GRIP1: variants seen among roughly 807,000 people sequenced by gnomAD.
GRIP1 encodes glutamate receptor-interacting protein 1.
A neutral mutation model predicts 129.9 loss-of-function variants in GRIP1; 45 were observed. The observed-to-expected ratio is 0.35, with a 90% CI of 0.27 to 0.44. The LOEUF (loss-of-function observed/expected upper bound fraction) is 0.44. Ranked by LOEUF, GRIP1 falls within the 20% of genes least tolerant of loss-of-function variation. The pLI is 1.00. For synonymous variants in GRIP1, 530 were observed against 520.8 expected (o/e 1.02, Z -0.24); for missense variants, 1,196 against 1,396.8 (o/e 0.86, Z 2.29).
At chr12:66,883,763 T>C (rs967339524) in intron 1 of GRIP1, among the ~76,000 whole-genome samples, 1 of 152,236 alleles carries the variant, frequency 6.6e-6, no homozygotes, top group Non-Finnish European at 1.5e-5. Context: ...TTGGACACTA[T>C]ACTACATAGT....
intron 1 of GRIP1, among the ~76,000 whole-genome samples, chr12:66,836,072 T>C (rs2039607922): frequency 6.6e-6 from 1 of 152,210 alleles, no homozygotes; most frequent in Non-Finnish European, 1.5e-5. Context: ...AGCTCTTTTA[T>C]GTCATTCTAC....
At chr12:66,721,369 G>A (rs967037235) in intron 1 of GRIP1, among the ~76,000 whole-genome samples, 2 of 152,030 alleles carry the variant, frequency 1.3e-5, no homozygotes, top group African/African-American at 4.8e-5. Flanking sequence ...CCACCTCCCA[G>A]GTTCAAGCAA....
In GRIP1 at chr12:66,930,197, C is replaced by T. The variant is rs542017626; in HGVS notation, c.58+138853G>A. ...TGTATACATGTGCCATGCTGGTGCGCTGCACCCACTAACTCGTCATCTAGC... is the reference window on the plus strand; with the variant it reads ...TGTATACATGTGCCATGCTGGTGCGTTGCACCCACTAACTCGTCATCTAGC... On this transcript the variant is annotated intron_variant, in intron 1 of 1. Coordinates refer to the GRIP1 transcript ENST00000643019. Among the ~76,000 whole-genome samples the T allele has an allele frequency of 1.5e-4, 23 of 149,208 alleles. No individual in the cohort carries two copies. The South Asian group carries it at 4.8e-3, about 31-fold the overall frequency.
At chr12:66,672,643 A>G (rs1219261988) in intron 1 of GRIP1, among the ~76,000 whole-genome samples, 1 of 152,114 alleles carries the variant, frequency 6.6e-6, no homozygotes, top group Non-Finnish European at 1.5e-5. Flanking sequence ...GTAAGAAACT[A>G]AAAGAGAGAA....
chr12:66,450,897 T>C (rs1458533213), intron 11 of GRIP1, among the ~76,000 whole-genome samples: 1 of 152,236 alleles, frequency 6.6e-6, no homozygotes, highest in Non-Finnish European at 1.5e-5. Flanking sequence ...GCTTCATTAA[T>C]GTGGTCAACC....
intron 2 of GRIP1, among the ~76,000 whole-genome samples, chr12:66,554,234 G>A (rs945422475): frequency 2.0e-5 from 3 of 152,162 alleles, no homozygotes; most frequent in Admixed American, 2.0e-4. Flanking sequence ...TACAGTCAGA[G>A]AGGGCACCAC....
intron 1 of GRIP1, among the ~76,000 whole-genome samples, chr12:66,794,759 T>C (rs1218202462): frequency 6.6e-6 from 1 of 152,182 alleles, no homozygotes; most frequent in African/African-American, 2.4e-5. Flanking sequence ...ATTCCTTTTA[T>C]GCCTGATCAT....
intron 11 of GRIP1, among the ~76,000 whole-genome samples, chr12:66,452,791 A>T (rs2058845126): frequency 6.6e-6 from 1 of 152,208 alleles, no homozygotes. Flanking sequence ...TTATTTGGGA[A>T]GACCTTTACA....
chr12:66,978,243 G>A (rs545599305), intron 1 of GRIP1, among the ~76,000 whole-genome samples: 2 of 152,084 alleles, frequency 1.3e-5, no homozygotes, highest in South Asian at 2.1e-4. Context: ...TTTTTGATAC[G>A]TAAAGTGCAT....
At chr12:67,025,588 T>C (rs2042931056) in intron 1 of GRIP1, among the ~76,000 whole-genome samples, 1 of 152,220 alleles carries the variant, frequency 6.6e-6, no homozygotes, top group South Asian at 2.1e-4. Flanking sequence ...AGTCCTTTCA[T>C]ATGTTCATTA....
Position 66,938,729 on chromosome 12 carries a change from C to T in GRIP1, c.58+130321G>A, listed in dbSNP as rs984249233. ...ATCCCAGCACTTTGGGAGGCCAAGG[C>T]GGGCAGATCACCAGGTCAGGAGATC... On this transcript the variant is annotated intron_variant, in intron 1 of 1. Coordinates refer to the GRIP1 transcript ENST00000643019. Among the ~76,000 whole-genome samples, 14 of 151,782 alleles carry T rather than the reference C, an allele frequency of 9.2e-5. No individual in the cohort carries two copies. The East Asian group carries it at 9.8e-4, about 11-fold the overall frequency.
At chr12:66,894,110 A>G (rs2040706195) in intron 1 of GRIP1, among the ~76,000 whole-genome samples, 1 of 152,148 alleles carries the variant, frequency 6.6e-6, no homozygotes, top group Non-Finnish European at 1.5e-5. Flanking sequence ...TTCCTCATCC[A>G]TAAGGTCCAG....
chr12:66,825,016 G>T (rs1921010), intron 1 of GRIP1, among the ~76,000 whole-genome samples: 143,075 of 152,114 alleles, frequency 0.94, 67,903 homozygotes, highest in East Asian at 1. Context: ...CATGTTTATA[G>T]TACCACTATT....
chr12:66,684,440 T>C (rs1409835951), intron 1 of GRIP1, among the ~76,000 whole-genome samples: 1 of 152,210 alleles, frequency 6.6e-6, no homozygotes, highest in Non-Finnish European at 1.5e-5. Context: ...TGTCACAGCA[T>C]GTTGGTCACC....
chr12:66,813,906 G>A (rs906590127), intron 1 of GRIP1, among the ~76,000 whole-genome samples: 17 of 152,090 alleles, frequency 1.1e-4, no homozygotes, highest in Non-Finnish European at 5.9e-5. Flanking sequence ...TATTCTGGTT[G>A]TTTATGGAAA....
At chr12:66,921,910 A>C (rs539874833) in intron 1 of GRIP1, among the ~76,000 whole-genome samples, 51 of 152,232 alleles carry the variant, frequency 3.4e-4, no homozygotes, top group Non-Finnish European at 6.0e-4. Context: ...ACTAAAAAGT[A>C]GCTACAGAGG....
chr12:66,957,179 G>C (rs2041854884), intron 1 of GRIP1, among the ~76,000 whole-genome samples: 1 of 152,000 alleles, frequency 6.6e-6, no homozygotes, highest in Admixed American at 6.6e-5. Context: ...TCTAAAAAGA[G>C]GATATCAATA....
At chr12:66,679,322 T>C (rs572078820), upstream of GRIP1, among the ~76,000 whole-genome samples, 7 of 152,196 alleles carry the variant, frequency 4.6e-5, no homozygotes, top group African/African-American at 1.7e-4. Flanking sequence ...GCCCCTTTCC[T>C]TCTCAGCATC....
intron 14 of GRIP1, among the ~76,000 whole-genome samples, chr12:66,426,950 A>G (rs932262992): frequency 2.6e-5 from 4 of 152,150 alleles, no homozygotes; most frequent in African/African-American, 4.8e-5. Flanking sequence ...AGAACTCTCT[A>G]TTGCATGCTT....
Sources: allele counts gnomAD v4.1 joint callset (sites outside exome capture counted in the v4.1 genomes callset), GRCh38; gene constraint gnomAD v4.1.1; transcripts MANE v1.5; gene names NCBI Gene and HGNC (gene_info 2026-07-23, HGNC 2026-07-21).